RTN1: variants seen among roughly 807,000 people sequenced by gnomAD.
The protein encoded by RTN1 is reticulon 1, also known as reticulon-1.
In RTN1, 25 loss-of-function variants were observed where a neutral mutation model predicts 65.5. The ratio of observed to expected loss-of-function variants is 0.38; its 90% confidence interval spans 0.28 to 0.53. The LOEUF (loss-of-function observed/expected upper bound fraction) is 0.53, where lower values mean the gene tolerates loss of function less well. Among genes scored for constraint, RTN1 ranks in the 20% least tolerant of loss-of-function variants. RTN1 has a pLI of 0.79. For missense variants in RTN1, 983 were observed against 1,025.4 expected (o/e 0.96, Z 0.57); for synonymous variants, 471 against 447.6 (o/e 1.05, Z -0.66).
At chr14:59,701,039 T>C (rs1884167673) in intron 3 of RTN1, among the ~76,000 whole-genome samples, 1 of 152,144 alleles carries the variant, frequency 6.6e-6, no homozygotes, top group Non-Finnish European at 1.5e-5. Flanking sequence ...ATCCGCCTAA[T>C]GTAAAAATGG....
chr14:59,830,238 T>A (rs1313094620), intron 1 of RTN1, among the ~76,000 whole-genome samples: 2 of 152,222 alleles, frequency 1.3e-5, no homozygotes, highest in East Asian at 3.8e-4. Flanking sequence ...CGGATATGAA[T>A]CTGAATTTTA....
At chr14:59,864,547 A>C (rs1450877250) in intron 1 of RTN1, among the ~76,000 whole-genome samples, 2 of 142,402 alleles carry the variant, frequency 1.4e-5, no homozygotes, top group Non-Finnish European at 3.1e-5. Flanking sequence ...CCTTGCCCCC[A>C]CCAAGAAAAA....
In RTN1 at chr14:59,870,230, A is replaced by G. The variant is rs1887871318; in HGVS notation, c.241+160T>C. On this transcript the variant is annotated intron_variant, in intron 1 of 8. Transcript: ENST00000267484. The surrounding 1 kb of genome is among the most constrained non-coding windows in gnomAD (Gnocchi z 5.1). ...AAAAATAAAATTGTTGTTTTCTACC[A>G]GCCCGCGAATATTCCCAGTCGCCCG... Among the ~76,000 whole-genome samples the G allele has an allele frequency of 6.6e-6, 1 of 152,246 alleles. No individual in the cohort carries two copies. The highest frequency in any genetic ancestry group is 2.4e-5 in the African/African-American group (1 of 41,476).
chr14:59,770,132 C>G (rs1885925473), intron 1 of RTN1, among the ~76,000 whole-genome samples: 1 of 151,902 alleles, frequency 6.6e-6, no homozygotes, highest in Admixed American at 6.6e-5. Context: ...AATCCCAGCA[C>G]TTTGGGAGGC....
chr14:59,769,776 C>T (rs987679355), intron 1 of RTN1, among the ~76,000 whole-genome samples: 2 of 152,150 alleles, frequency 1.3e-5, no homozygotes, highest in Admixed American at 1.3e-4. Context: ...GTTTACAGTA[C>T]ATTGTCGACA....
At chr14:59,736,908 C>T (rs1885012858) in intron 2 of RTN1, among the ~76,000 whole-genome samples, 1 of 152,134 alleles carries the variant, frequency 6.6e-6, no homozygotes, top group South Asian at 2.1e-4. Flanking sequence ...GATCTAAAGA[C>T]AAAACCACAT....
intron 3 of RTN1, among the ~76,000 whole-genome samples, chr14:59,703,647 G>C (rs2139450137): frequency 6.6e-6 from 1 of 152,280 alleles, no homozygotes; most frequent in South Asian, 2.1e-4. Context: ...TATTGTTCTT[G>C]TCTTTCTCCC....
At chr14:59,654,431 T>TGG (rs34322936) in intron 3 of RTN1, among the ~76,000 whole-genome samples, 3,042 of 90,894 alleles carry the variant, frequency 0.033, 64 homozygotes, top group Middle Eastern at 0.074. Flanking sequence ...TCTGTCTCTG[T>TGG]GAAAAAAAAA....
intron 3 of RTN1, among the ~76,000 whole-genome samples, chr14:59,637,629 T>C (rs1280694688): frequency 1.3e-5 from 2 of 151,410 alleles, no homozygotes; most frequent in African/African-American, 2.4e-5. Flanking sequence ...GGAGAATCGC[T>C]TGAACCTGGG....
intron 3 of RTN1, chr14:59,609,999 A>T: frequency 1.5e-6 from 1 of 676,480 alleles, no homozygotes; most frequent in South Asian, 1.7e-5. Flanking sequence ...AGTGTGAAGG[A>T]AGATGCTTAC....
intron 1 of RTN1, among the ~76,000 whole-genome samples, chr14:59,757,966 A>G (rs1287881302): frequency 1.3e-5 from 2 of 152,142 alleles, no homozygotes; most frequent in East Asian, 3.8e-4. Context: ...CAAAAGTATA[A>G]TGACATATAT....
intron 1 of RTN1, among the ~76,000 whole-genome samples, chr14:59,858,601 C>CA (rs908443939): frequency 2.0e-5 from 3 of 151,644 alleles, no homozygotes; most frequent in African/African-American, 7.3e-5. Context: ...ACAGATTTTA[C>CA]AAAAAATCTC....
chr14:59,741,422 T>C (rs908457535), intron 2 of RTN1, among the ~76,000 whole-genome samples: 2 of 152,200 alleles, frequency 1.3e-5, no homozygotes, highest in Non-Finnish European at 2.9e-5. Flanking sequence ...CCTGATATTA[T>C]ATTATATATT....
intron 1 of RTN1, among the ~76,000 whole-genome samples, chr14:59,751,781 G>T (rs1885528050): frequency 6.6e-6 from 1 of 152,140 alleles, no homozygotes; most frequent in African/African-American, 2.4e-5. Context: ...CCTACCACCG[G>T]GGTTATCTCA....
At chr14:59,750,205 A>ATATAATACATATATATC (rs1566713313) in intron 1 of RTN1, among the ~76,000 whole-genome samples, 2 of 50,904 alleles carry the variant, frequency 3.9e-5, no homozygotes, top group African/African-American at 1.2e-4. Context: ...TATCTATAAT[A>ATATAATACATATATATC]TATAATATAT....
chr14:59,764,239 TG>T (rs986593061), intron 1 of RTN1, among the ~76,000 whole-genome samples: 9 of 152,012 alleles, frequency 5.9e-5, no homozygotes, highest in African/African-American at 2.2e-4. Flanking sequence ...TAGAAGTGAC[TG>T]GGAACAAGCA....
At chr14:59,675,767 G>A (rs1345148138) in intron 3 of RTN1, among the ~76,000 whole-genome samples, 1 of 151,980 alleles carries the variant, frequency 6.6e-6, no homozygotes, top group Non-Finnish European at 1.5e-5. Flanking sequence ...ATCCCAGCCA[G>A]ATTATTTTTA....
chr14:59,723,435 T>G (rs1884689387), intron 3 of RTN1, among the ~76,000 whole-genome samples: 1 of 149,950 alleles, frequency 6.7e-6, no homozygotes, highest in Non-Finnish European at 1.5e-5. Context: ...TGAAACCCCA[T>G]CTCCACTAAA....
At chr14:59,805,914 T>C (rs1886627725) in intron 1 of RTN1, among the ~76,000 whole-genome samples, 1 of 152,130 alleles carries the variant, frequency 6.6e-6, no homozygotes, top group African/African-American at 2.4e-5. Context: ...CCAGAGGATG[T>C]CTCTTATGAA....
Sources: allele counts gnomAD v4.1 joint callset (sites outside exome capture counted in the v4.1 genomes callset), GRCh38; gene constraint gnomAD v4.1.1; non-coding constraint Gnocchi (gnomAD v3.1); transcripts MANE v1.5; gene names NCBI Gene and HGNC (gene_info 2026-07-23, HGNC 2026-07-21).